FAM107A: variants seen among roughly 807,000 people sequenced by gnomAD.
FAM107A encodes the protein actin-associated protein FAM107A.
In FAM107A, 19 loss-of-function variants were observed where a neutral mutation model predicts 13.7. The observed-to-expected ratio is 1.38, with a 90% CI of 0.97 to 2.03. The LOEUF (loss-of-function observed/expected upper bound fraction) is 2.03. Among genes scored for constraint, FAM107A ranks in the 30% most tolerant of loss-of-function variants. The probability of loss-of-function intolerance (pLI) is 0.00; values close to 1 mark genes in which losing one functional copy is unlikely to be tolerated. For missense variants in FAM107A, 203 were observed against 184.4 expected, an observed-to-expected ratio of 1.10 and a Z score of -0.58; for synonymous variants, 82 against 74.5, an observed-to-expected ratio of 1.10 and a Z score of -0.52.
chr3:58,565,001 G>C lies in FAM107A; in HGVS notation c.*1587C>G, dbSNP rs775082422. On this transcript the variant is annotated 3_prime_UTR_variant, in exon 4 of 4. Coordinates refer to ENST00000360997, the MANE Select transcript of FAM107A (RefSeq NM_001076778.3). The stretch of plus-strand genomic sequence containing the variant: ...CCTTTCCTCCGACAGTCCCACGTTT[G>C]CTTCCAGGAATCAAAGAGCATGCCA... 9.2e-5 allele frequency: 14 copies of C among 152,232 alleles called. No individual in the cohort carries two copies. Among genetic ancestry groups the C allele is most frequent in the Admixed American group, 1.3e-4 (2 of 15,276 alleles). The allele number at this position is 152,232 out of a possible 1,614,324, so 9.4% of individuals were successfully genotyped here.
chr3:58,626,435 T>C (rs528589342), intron 1 of FAM107A, among the ~76,000 whole-genome samples: 5 of 152,182 alleles, frequency 3.3e-5, no homozygotes, highest in African/African-American at 1.2e-4. Flanking sequence ...GAGCAAAGCC[T>C]CTACACAGTG....
intron 1 of FAM107A, among the ~76,000 whole-genome samples, chr3:58,571,935 C>T (rs565970942): frequency 4.6e-5 from 7 of 152,044 alleles, no homozygotes; most frequent in Non-Finnish European, 1.0e-4. Context: ...CTGTATGTTG[C>T]CAAAGTGATA....
At chr3:58,573,503 G>A (rs2063704192) in intron 1 of FAM107A, 1 of 152,436 alleles carries the variant, frequency 6.6e-6, no homozygotes, top group African/African-American at 2.4e-5. Context: ...AGAGATCCAA[G>A]ACTCTGGGGT....
At chr3:58,625,291 T>C (rs781010226) in intron 1 of FAM107A, among the ~76,000 whole-genome samples, 14 of 152,240 alleles carry the variant, frequency 9.2e-5, no homozygotes, top group Non-Finnish European at 1.8e-4. Context: ...CCTAATTCCC[T>C]AAGAGCTAAA....
intron 1 of FAM107A, chr3:58,607,725 A>G (rs1312656049): frequency 2.6e-5 from 4 of 152,266 alleles, no homozygotes; most frequent in Admixed American, 1.3e-4. Context: ...AGCTGCGGGC[A>G]GCCTCAAGAA....
At chr3:58,568,667 A>G (rs1236564320) in intron 2 of FAM107A, among the ~76,000 whole-genome samples, 4 of 152,188 alleles carry the variant, frequency 2.6e-5, no homozygotes, top group Non-Finnish European at 5.9e-5. Flanking sequence ...AAAGCGACTC[A>G]GTGTACAAAA....
At chr3:58,600,583 G>A (rs1250169181) in intron 1 of FAM107A, among the ~76,000 whole-genome samples, 3 of 152,200 alleles carry the variant, frequency 2.0e-5, no homozygotes, top group Admixed American at 2.0e-4. Flanking sequence ...CTGGGACAGG[G>A]AATTCGATAG....
At chr3:58,588,683 T>C (rs1266561870), upstream of FAM107A, among the ~76,000 whole-genome samples, 1 of 152,228 alleles carries the variant, frequency 6.6e-6, no homozygotes. Context: ...ATCCACTCAA[T>C]AGCTCTTTGA....
intron 1 of FAM107A, among the ~76,000 whole-genome samples, chr3:58,599,634 G>A (rs115501553): frequency 0.011 from 1,538 of 146,318 alleles, 35 homozygotes; most frequent in African/African-American, 0.037. Flanking sequence ...CTGAGTGGTG[G>A]TTACACAGGT....
At chr3:58,593,583 T>C (rs1280661664) in intron 1 of FAM107A, among the ~76,000 whole-genome samples, 1 of 151,846 alleles carries the variant, frequency 6.6e-6, no homozygotes, top group Non-Finnish European at 1.5e-5. Flanking sequence ...CGAAGTCCTT[T>C]TTTTTTTTAC....
chr3:58,609,647 C>T (rs556490889), intron 1 of FAM107A, among the ~76,000 whole-genome samples: 1 of 152,192 alleles, frequency 6.6e-6, no homozygotes, highest in Admixed American at 6.5e-5. Context: ...TCTCCTACAG[C>T]CGCTTTTTGT....
At chr3:58,570,285 A>G in intron 1 of FAM107A, 1 of 653,512 alleles carries the variant, frequency 1.5e-6, no homozygotes, top group Non-Finnish European at 1.9e-6. Flanking sequence ...TACTTGTTAA[A>G]AACAATTTGG....
intron 1 of FAM107A, among the ~76,000 whole-genome samples, chr3:58,594,828 C>CA (rs1300065737): frequency 6.6e-6 from 1 of 152,072 alleles, no homozygotes; most frequent in African/African-American, 2.4e-5. Flanking sequence ...TATGACAACA[C>CA]AAAAAAACTC....
chr3:58,617,588 GAC>G lies in FAM107A; in HGVS notation c.-70+9826_-70+9827del, dbSNP rs2065915319. Among the ~76,000 whole-genome samples, 5 of 152,274 alleles carry G rather than the reference GAC, an allele frequency of 3.3e-5. No individual in the cohort carries two copies. In the South Asian group the frequency reaches 1.0e-3, roughly 32 times the overall value. ...GCCCCTTGTTTATGTTAGTTTGGGAGACACAGTGTTCTGAAAGCCGATCCCTG... is the reference window on the plus strand; with the variant it reads ...GCCCCTTGTTTATGTTAGTTTGGGAGACAGTGTTCTGAAAGCCGATCCCTG... On this transcript the variant is annotated intron_variant, in intron 1 of 3. Transcript: ENST00000465970. The surrounding 1 kb of genome is among the most constrained non-coding windows in gnomAD (Gnocchi z 4.5).
intron 1 of FAM107A, among the ~76,000 whole-genome samples, chr3:58,570,858 A>G (rs1049931906): frequency 1.3e-5 from 2 of 152,224 alleles, no homozygotes; most frequent in African/African-American, 2.4e-5. Flanking sequence ...GTAATTGCCA[A>G]TGCAACTTTT....
At chr3:58,580,634 G>C (rs541394819), upstream of FAM107A, among the ~76,000 whole-genome samples, 1,298 of 151,840 alleles carry the variant, frequency 8.5e-3, 12 homozygotes, top group Non-Finnish European at 0.014. Flanking sequence ...GGCTGGTCTT[G>C]AACTCTTGGC....
chr3:58,604,319 C>G lies in FAM107A; in HGVS notation c.-69-15050G>C, dbSNP rs1233264671. On this transcript the variant is annotated intron_variant, in intron 1 of 3. Transcript: ENST00000465970. The surrounding 1 kb of genome is among the most constrained non-coding windows in gnomAD (Gnocchi z 4.1). ...TCCCTCCAGAGCATTAAACGCAGAT[C>G]CAATTCCTTCTCCAACCGGTTCTTC... Among the ~76,000 whole-genome samples the G allele has an allele frequency of 6.6e-6, 1 of 152,052 alleles. No individual in the cohort carries two copies. The highest frequency in any genetic ancestry group is 1.5e-5 in the Non-Finnish European group (1 of 68,030).
At chr3:58,579,343 A>G (rs994499293), upstream of FAM107A, among the ~76,000 whole-genome samples, 4 of 152,158 alleles carry the variant, frequency 2.6e-5, no homozygotes, top group South Asian at 2.1e-4. Context: ...CACGCTGACC[A>G]TTCTCGAGCC....
At chr3:58,594,906 A>C (rs986119748) in intron 1 of FAM107A, among the ~76,000 whole-genome samples, 8 of 152,148 alleles carry the variant, frequency 5.3e-5, no homozygotes, top group African/African-American at 1.7e-4. Flanking sequence ...ACACTCTTTA[A>C]TTGGATGTCC....
Sources: gnomAD v4.1 joint callset for allele counts (sites outside exome capture counted in the v4.1 genomes callset) on GRCh38, gnomAD v4.1.1 for gene constraint, Gnocchi (gnomAD v3.1) non-coding constraint, MANE v1.5 for transcripts, NCBI Gene and HGNC (gene_info 2026-07-23, HGNC 2026-07-21) for gene names.